YEATS2: variants seen among roughly 807,000 people sequenced by gnomAD.
YEATS2 encodes the protein YEATS domain containing 2, also known as YEATS domain-containing protein 2.
YEATS2 carries 77 observed loss-of-function variants against 163.2 expected under a neutral mutation model. The ratio of observed to expected loss-of-function variants is 0.47; its 90% CI spans 0.39 to 0.57. The LOEUF (loss-of-function observed/expected upper bound fraction) is 0.57, where lower values mean the gene tolerates loss of function less well. Ranked by LOEUF, YEATS2 falls within the 20% of genes least tolerant of loss-of-function variation. The probability of loss-of-function intolerance (pLI) is 0.00; values close to 1 mark genes in which losing one functional copy is unlikely to be tolerated. For missense variants in YEATS2, 1,549 were observed against 1,729.8 expected, an observed-to-expected ratio of 0.90 and a Z score of 1.85; for synonymous variants, 631 against 645.1, an observed-to-expected ratio of 0.98 and a Z score of 0.33.
intron 8 of YEATS2, among the ~76,000 whole-genome samples, chr3:183,746,225 GC>G (rs1223779154): frequency 2.6e-5 from 4 of 151,986 alleles, no homozygotes; most frequent in African/African-American, 9.7e-5. Context: ...ACCACACCTG[GC>G]TAATTTTTGT....
intron 9 of YEATS2, among the ~76,000 whole-genome samples, chr3:183,749,013 A>C (rs556529742): frequency 6.6e-6 from 1 of 150,952 alleles, no homozygotes; most frequent in South Asian, 2.1e-4. Context: ...CGTGATCTCC[A>C]CTCACTGCAA....
intron 21 of YEATS2, among the ~76,000 whole-genome samples, chr3:183,796,322 T>C (rs566394451): frequency 1.3e-5 from 2 of 151,906 alleles, no homozygotes; most frequent in African/African-American, 2.4e-5. Context: ...TTTCTTAAAA[T>C]GTGTTTGTAT....
At chr3:183,715,293 T>A in intron 2 of YEATS2, 31 bp downstream of exon 2, 1 of 1,503,532 alleles carries the variant, frequency 6.7e-7, no homozygotes. Context: ...AATTATTTCT[T>A]TATTGACATA....
chr3:183,798,045 A>C lies in YEATS2; in HGVS notation c.3220A>C (p.Asn1074His). ...GGVQTILMPV[N>H]KVVQSFSTSK... ...GGTGCAGACGATCCTGATGCCTGTGAATAAAGGTGAGTCCCTTGCCCACGG... is the reference window on the plus strand; with the variant it reads ...GGTGCAGACGATCCTGATGCCTGTGCATAAAGGTGAGTCCCTTGCCCACGG... Residue 1074 changes from asparagine to histidine, a missense_variant, in exon 22 of 31, where the codon AAT becomes CAT. Transcript: ENST00000305135. 6.2e-7 allele frequency: 1 copy of C among 1,613,724 alleles called. No individual in the cohort carries two copies. The highest frequency in any genetic ancestry group is 8.5e-7 in the Non-Finnish European group (1 of 1,179,914).
At chr3:183,800,202 C>G (rs894839622) in intron 23 of YEATS2, among the ~76,000 whole-genome samples, 2 of 152,122 alleles carry the variant, frequency 1.3e-5, no homozygotes, top group Admixed American at 6.5e-5. Flanking sequence ...GTGGGTGGCC[C>G]TTTAAGAAAT....
intron 23 of YEATS2, among the ~76,000 whole-genome samples, chr3:183,799,715 A>G (rs1203836180): frequency 2.6e-5 from 4 of 152,128 alleles, no homozygotes; most frequent in Non-Finnish European, 5.9e-5. Flanking sequence ...TCAGAACACT[A>G]AGATAATGCT....
intron 9 of YEATS2, among the ~76,000 whole-genome samples, chr3:183,748,039 GTTTTT>G (rs961167954): frequency 6.8e-6 from 1 of 147,020 alleles, no homozygotes; most frequent in African/African-American, 2.5e-5. Flanking sequence ...ATTAGTGTTA[GTTTTT>G]TTTTTTAAAG....
Position 183,808,008 on chromosome 3 carries a change from C to T in YEATS2, c.4012-22C>T, listed in dbSNP as rs201945183. The T allele has an allele frequency of 1.6e-4, 250 of 1,549,720 alleles. 1 individual carries two copies. The African/African-American group carries it at 2.7e-3, about 17-fold the overall frequency. On this transcript the variant is annotated intron_variant, in intron 28 of 30. Coordinates refer to ENST00000305135, the MANE Select transcript of YEATS2 (RefSeq NM_018023.5). ...TTTCTAAAGCAGCGATACGAACAAA[C>T]GGCTTTCTTCTGCTTTTCCAGATTG...
intron 15 of YEATS2, among the ~76,000 whole-genome samples, chr3:183,764,719 A>G (rs964489080): frequency 3.0e-4 from 46 of 152,260 alleles, no homozygotes; most frequent in African/African-American, 1.1e-3. Context: ...AGGCAGGAGA[A>G]ACGCTTGACC....
Position 183,758,879 on chromosome 3 carries a change from A to G in YEATS2, c.1570A>G (p.Ile524Val), listed in dbSNP as rs779042442. 6.3e-6 allele frequency: 10 copies of G among 1,593,206 alleles called. No homozygotes were observed. In the Admixed American group the frequency reaches 1.5e-4, roughly 24 times the overall value. The stretch of plus-strand genomic sequence containing the variant: ...CTTATCAGGAAGTCCTACAAACAAG[A>G]TCTCCACGGCTTCTCAGGTCTCCCA... ...TPSTGSPTNK[I>V]STASQVSQGT... Residue 524 changes from isoleucine (I) to valine (V), a missense_variant, in exon 13 of 31, where the codon ATC (isoleucine) becomes GTC (valine). Physicochemically the swap from Ile to Val is conservative, Grantham distance 29 (BLOSUM62 3). Transcript: ENST00000305135.
At chr3:183,750,827 C>T (rs1487688049) in intron 9 of YEATS2, among the ~76,000 whole-genome samples, 1 of 152,122 alleles carries the variant, frequency 6.6e-6, no homozygotes, top group Non-Finnish European at 1.5e-5. Flanking sequence ...AGGAGTTATT[C>T]ATATATTCTG....
chr3:183,702,127 A>G (rs992681168), intron 1 of YEATS2, among the ~76,000 whole-genome samples: 1 of 152,044 alleles, frequency 6.6e-6, no homozygotes, highest in African/African-American at 2.4e-5. Flanking sequence ...CCCCCTAACT[A>G]CTACAGAACA....
In YEATS2 at chr3:183,756,641, A is replaced by G. The variant is rs750820987; in HGVS notation, c.1504A>G (p.Met502Val). 12 of 1,598,028 alleles carry G rather than the reference A, an allele frequency of 7.5e-6. No individual in the cohort carries two copies. In the Middle Eastern group the frequency reaches 5.0e-4, roughly 66 times the overall value. Reference protein sequence around the residue: ...GSVINNPYVIMDKQPGQVIGA... With the variant: ...GSVINNPYVIVDKQPGQVIGA... ...TGTTATTAATAATCCTTATGTTATCATGGACAAGCAGCCGGGGCAGGTGAT... is the reference window on the plus strand; with the variant it reads ...TGTTATTAATAATCCTTATGTTATCGTGGACAAGCAGCCGGGGCAGGTGAT... Residue 502 changes from methionine (M) to valine (V), a missense_variant, in exon 12 of 31, where the codon ATG becomes GTG. Met to Val is a conservative substitution (Grantham distance 21, BLOSUM62 1). Transcript: ENST00000305135.
chr3:183,736,891 C>A (rs1718398590), intron 8 of YEATS2, 62 bp downstream of exon 8: 14 of 1,432,418 alleles, frequency 9.8e-6, no homozygotes, highest in Non-Finnish European at 1.3e-5. Context: ...ACAATTGATC[C>A]TTGAATAGCA....
chr3:183,729,292 T>C (rs1192772839), intron 7 of YEATS2, among the ~76,000 whole-genome samples: 1 of 151,248 alleles, frequency 6.6e-6, no homozygotes, highest in Admixed American at 6.6e-5. Context: ...AAAAAGGTAG[T>C]TGTAGTTCAC....
intron 9 of YEATS2, among the ~76,000 whole-genome samples, chr3:183,748,965 CAG>C (rs1488590481): frequency 1.3e-5 from 2 of 151,846 alleles, no homozygotes; most frequent in East Asian, 3.9e-4. Context: ...TTTCTTGAGA[CAG>C]AGTCTCACTC....
At chr3:183,730,055 T>TGTTTG (rs376011021) in intron 7 of YEATS2, among the ~76,000 whole-genome samples, 11 of 23,280 alleles carry the variant, frequency 4.7e-4, no homozygotes, top group African/African-American at 2.4e-3. Flanking sequence ...TTTGTTTGTT[T>TGTTTG]TTTTTTTTTT....
intron 15 of YEATS2, among the ~76,000 whole-genome samples, chr3:183,771,279 C>T (rs192342): frequency 6.6e-6 from 1 of 152,258 alleles, no homozygotes; most frequent in East Asian, 1.9e-4. Context: ...ATTTGCATTT[C>T]TTCCAACCTT....
rs1406171912 is a variant in YEATS2, at chr3:183,768,471, A to AATT, written c.1948-3832_1948-3831insTAT. Among the ~76,000 whole-genome samples the AATT allele has an allele frequency of 1.5e-4, 23 of 152,310 alleles. No individual in the cohort carries two copies. In the East Asian group the frequency reaches 1.5e-3, roughly 10 times the overall value. The stretch of plus-strand genomic sequence containing the variant: ...CTCTGTTACTATGAGAGGAGAAGGA[A>AATT]ATAATAGATATTGGGGTTCAACTAG... On this transcript the variant is annotated intron_variant, in intron 15 of 30. Coordinates refer to ENST00000305135, the MANE Select transcript of YEATS2 (RefSeq NM_018023.5).
Sources: allele counts gnomAD v4.1 joint callset (sites outside exome capture counted in the v4.1 genomes callset), GRCh38; gene constraint gnomAD v4.1.1; transcripts MANE v1.5; gene names NCBI Gene and HGNC (gene_info 2026-07-23, HGNC 2026-07-21).